Variants in LMO2 observed in about 807,000 individuals in gnomAD.
LMO2 encodes rhombotin-2.
In LMO2, 20 loss-of-function variants were observed where a neutral mutation model predicts 23.2. The ratio of observed to expected loss-of-function variants is 0.86; its 90% CI spans 0.61 to 1.25. The LOEUF (loss-of-function observed/expected upper bound fraction) is 1.25. Among genes scored for constraint, LMO2 ranks in the 50% most tolerant of loss-of-function variants. The probability of loss-of-function intolerance (pLI) is 0.00; values close to 1 mark genes in which losing one functional copy is unlikely to be tolerated. For synonymous variants in LMO2, 123 were observed against 130.2 expected (o/e 0.94, Z 0.38); for missense variants, 270 against 315.3 (o/e 0.86, Z 1.09).
chr11:33,865,866 C>A (rs368663730), intron 4 of LMO2, among the ~76,000 whole-genome samples: 1 of 152,222 alleles, frequency 6.6e-6, no homozygotes, highest in Non-Finnish European at 1.5e-5. Flanking sequence ...TAGTGTCCCC[C>A]ACATGGGACA....
chr11:33,869,393 G>A lies in LMO2; in HGVS notation c.201C>T (p.Pro67=), dbSNP rs1856918020. The part of the protein sequence containing the change: ...GAPPPPGTPP[P]SPMSSAIERK... ...TTTCGATGGCCGAGGACATTGGGGA[G>A]GGAGGCGGGGTGCCGGGCGGCGGGG... Residue 67 remains proline, a synonymous_variant, in exon 4 of 6, where the codon CCC becomes CCT. Transcript: ENST00000257818. 1 of 1,212,468 alleles carries A rather than the reference G, an allele frequency of 8.2e-7. No individual in the cohort carries two copies. The highest frequency in any genetic ancestry group is 1.0e-6 in the Non-Finnish European group (1 of 969,236). The allele number at this position is 1,212,468 out of a possible 1,614,324, so 75.1% of individuals were successfully genotyped here. A position where few individuals can be genotyped will look rare whatever the true frequency, so the allele number is the denominator to read the frequency against.
At position 33,876,943 on chromosome 11, in the gene LMO2, T is replaced by G. The variant is rs573020601; in HGVS notation, c.-272+4881A>C. On this transcript the variant is annotated intron_variant, in intron 2 of 5. Coordinates refer to ENST00000257818, the MANE Select transcript of LMO2 (RefSeq NM_005574.4). ...CAAATGCTGAGCCCAGTGATCAACA[T>G]AGAATAAGTGCTCAATGGATGGCAG... Among the ~76,000 whole-genome samples, 36 of 152,326 alleles carry G rather than the reference T, an allele frequency of 2.4e-4. No individual in the cohort carries two copies. The South Asian group carries it at 2.7e-3, about 11-fold the overall frequency.
intron 4 of LMO2, among the ~76,000 whole-genome samples, chr11:33,866,327 A>T (rs1856781179): frequency 6.6e-6 from 1 of 152,224 alleles, no homozygotes; most frequent in South Asian, 2.1e-4. Context: ...GGGAAGCTCA[A>T]GTTAGTTTAT....
At chr11:33,867,618 C>G (rs1416254393) in intron 4 of LMO2, among the ~76,000 whole-genome samples, 1 of 152,178 alleles carries the variant, frequency 6.6e-6, no homozygotes, top group African/African-American at 2.4e-5. Context: ...TGTGCTGCAG[C>G]AATTTCTCAA....
chr11:33,875,973 A>G (rs1182516726), intron 2 of LMO2, among the ~76,000 whole-genome samples: 3 of 152,080 alleles, frequency 2.0e-5, no homozygotes, highest in Non-Finnish European at 4.4e-5. Context: ...CCTTTTCTCC[A>G]GCATGCCCCT....
chr11:33,873,937 A>G (rs1857080405), intron 2 of LMO2, among the ~76,000 whole-genome samples: 1 of 152,246 alleles, frequency 6.6e-6, no homozygotes, highest in Non-Finnish European at 1.5e-5. Flanking sequence ...AAATGCAAAT[A>G]TAATTGAGAA....
In LMO2 at chr11:33,859,389, G is replaced by T. The variant is rs1688045405; in HGVS notation, c.651C>A (p.Ile217=). The T allele has an allele frequency of 1.2e-6, 2 of 1,613,944 alleles. No individual in the cohort carries two copies. The highest frequency in any genetic ancestry group is 2.7e-5 in the African/African-American group (2 of 74,892). ...TCCCATTGATCTTAGTCCACTCGTA[G>T]ATGTCCTGTTCGCACACTATGTCAG... ...INSDIVCEQD[I]YEWTKINGMI is the part of the protein sequence containing the mutation. Residue 217 remains isoleucine (I), a synonymous_variant, in exon 6 of 6, where the codon ATC becomes ATA. Coordinates refer to ENST00000257818, the MANE Select transcript of LMO2 (RefSeq NM_005574.4).
At chr11:33,879,102 T>A (rs1227184451) in intron 2 of LMO2, among the ~76,000 whole-genome samples, 1 of 152,166 alleles carries the variant, frequency 6.6e-6, no homozygotes, top group Non-Finnish European at 1.5e-5. Flanking sequence ...AACTATAACA[T>A]TCTTAAAGAA....
chr11:33,873,464 A>C (rs866862196), intron 2 of LMO2, among the ~76,000 whole-genome samples: 5 of 152,234 alleles, frequency 3.3e-5, no homozygotes, highest in Non-Finnish European at 5.9e-5. Context: ...ATTTAGAATC[A>C]AGTCTCAAAA....
At chr11:33,882,991 GC>G (rs1447291263) in intron 1 of LMO2, among the ~76,000 whole-genome samples, 1 of 152,146 alleles carries the variant, frequency 6.6e-6, no homozygotes, top group African/African-American at 2.4e-5. Flanking sequence ...ACCTCAGAAG[GC>G]CTTTCCCTGG....
chr11:33,859,096 G>T lies in LMO2; in HGVS notation c.*260C>A. 1 of 461,988 alleles carries T rather than the reference G, an allele frequency of 2.2e-6. No homozygotes were observed. Among genetic ancestry groups the T allele is most frequent in the South Asian group, 2.7e-5 (1 of 36,968 alleles). 28.6% of individuals were successfully genotyped at this position (461,988 alleles called of 1,614,324 possible). On this transcript the variant is annotated 3_prime_UTR_variant, in exon 6 of 6. Coordinates refer to ENST00000257818, the MANE Select transcript of LMO2 (RefSeq NM_005574.4). ...TTGCCCCTAAATGTTCCTTTCTTCT[G>T]CTAATCATGTCAGTTACTATGGATG... is the stretch of plus-strand genomic sequence containing the variant.
rs1036982103 is a variant in LMO2 at position 33,874,265 on chromosome 11, A to G, written c.-271-4278T>C. ...TAGTGATAAACAGATTCGGTTTTCT[A>G]TATAGTAAAGAGCCCAAAATACATC... On this transcript the variant is annotated intron_variant, in intron 2 of 5. Transcript: ENST00000257818. 3.3e-5 allele frequency among the ~76,000 whole-genome samples: 5 copies of G among 152,230 alleles called. No homozygotes were observed. In the East Asian group the frequency reaches 5.8e-4, roughly 18 times the overall value.
Position 33,869,868 on chromosome 11 carries a change from G to A in LMO2, c.-152C>T, listed in dbSNP as rs1009879629. ...CGCGCTGCTCGCCGCCGAGGGCAGAGAGGGGGCGGCGGCCTAGGGGCGGGG... is the reference window on the plus strand; with the variant it reads ...CGCGCTGCTCGCCGCCGAGGGCAGAAAGGGGGCGGCGGCCTAGGGGCGGGG... On this transcript the variant is annotated 5_prime_UTR_variant, in exon 3 of 6. Coordinates refer to ENST00000257818, the MANE Select transcript of LMO2 (RefSeq NM_005574.4). The A allele has an allele frequency of 6.6e-6, 7 of 1,054,288 alleles. No individual in the cohort carries two copies. Among genetic ancestry groups the A allele is most frequent in the Admixed American group, 5.5e-5 (1 of 18,326 alleles). 65.3% of individuals were successfully genotyped at this position (1,054,288 alleles called of 1,614,324 possible). A position where few individuals can be genotyped will look rare whatever the true frequency, so the allele number is the denominator to read the frequency against.
intron 5 of LMO2, among the ~76,000 whole-genome samples, chr11:33,863,132 G>A (rs950236169): frequency 2.6e-5 from 4 of 152,084 alleles, no homozygotes; most frequent in East Asian, 1.9e-4. Flanking sequence ...TCAAGGGTCC[G>A]ATGGGAATCA....
chr11:33,877,147 G>A (rs1489833505), intron 2 of LMO2, among the ~76,000 whole-genome samples: 1 of 152,166 alleles, frequency 6.6e-6, no homozygotes, highest in Non-Finnish European at 1.5e-5. Context: ...ACCTCTCCTG[G>A]TATGGTGGCC....
chr11:33,884,083 T>A (rs1249421856), intron 1 of LMO2, among the ~76,000 whole-genome samples: 1 of 152,162 alleles, frequency 6.6e-6, no homozygotes, highest in African/African-American at 2.4e-5. Context: ...GCACCACACC[T>A]GACCCGGTGA....
intron 2 of LMO2, among the ~76,000 whole-genome samples, chr11:33,872,279 A>C (rs1297354450): frequency 6.6e-6 from 1 of 152,242 alleles, no homozygotes; most frequent in Non-Finnish European, 1.5e-5. Context: ...TGACAGAGTG[A>C]GACTCCGTCT....
intron 4 of LMO2, among the ~76,000 whole-genome samples, chr11:33,867,399 G>A (rs1856827572): frequency 6.6e-6 from 1 of 152,164 alleles, no homozygotes; most frequent in South Asian, 2.1e-4. Flanking sequence ...TAAAGTATAA[G>A]ATATTGGCTC....
intron 4 of LMO2, among the ~76,000 whole-genome samples, chr11:33,867,663 G>C (rs1349188730): frequency 6.6e-6 from 1 of 152,144 alleles, no homozygotes; most frequent in Non-Finnish European, 1.5e-5. Flanking sequence ...ATCTGTCTTC[G>C]TTGGGCAAAT....
Sources: gnomAD v4.1 joint callset for allele counts (sites outside exome capture counted in the v4.1 genomes callset) on GRCh38, gnomAD v4.1.1 for gene constraint, MANE v1.5 for transcripts, NCBI Gene and HGNC (gene_info 2026-07-23, HGNC 2026-07-21) for gene names.